The following PTPRN2 variants were observed in gnomAD, a reference collection of about 807,000 sequenced individuals.
PTPRN2 encodes protein tyrosine phosphatase receptor type N2.
In PTPRN2, 74 loss-of-function variants were observed where a neutral mutation model predicts 118.8. The ratio of observed to expected loss-of-function variants is 0.62; its 90% confidence interval spans 0.52 to 0.76. PTPRN2 has a LOEUF of 0.76. Ranked by LOEUF, PTPRN2 falls within the 30% of genes least tolerant of loss-of-function variation. PTPRN2 has a pLI of 0.00. For synonymous variants in PTPRN2, 641 were observed against 608.0 expected (o/e 1.05, Z -0.80); for missense variants, 1,481 against 1,394.4 (o/e 1.06, Z -0.99).
rs1242301533 is a variant in PTPRN2, at chr7:157,591,845, C to A, written c.2496+3393G>T. On this transcript the variant is annotated intron_variant, in intron 17 of 22. Transcript: ENST00000389418. This position sits in a 1 kb window ranked among gnomAD's most constrained non-coding sequence, Gnocchi z 4.4. ...GCTCCTGTGTTCTGCACAGAGGGAT[C>A]CCCAGGTTGAAGGATGACGTGGAAG... Among the ~76,000 whole-genome samples, 1 of 152,170 alleles carries A rather than the reference C, an allele frequency of 6.6e-6. No homozygotes were observed. The highest frequency in any genetic ancestry group is 2.4e-5 in the African/African-American group (1 of 41,438).
At chr7:158,458,664 G>A (rs575252987) in intron 2 of PTPRN2, among the ~76,000 whole-genome samples, 2 of 152,286 alleles carry the variant, frequency 1.3e-5, no homozygotes, top group East Asian at 3.9e-4. Context: ...ACACCTCGGA[G>A]AGCTGAAAGT....
At chr7:157,684,653 G>C (rs1797084104) in intron 12 of PTPRN2, among the ~76,000 whole-genome samples, 1 of 145,118 alleles carries the variant, frequency 6.9e-6, no homozygotes, top group African/African-American at 2.5e-5. Flanking sequence ...AGTCACTCTA[G>C]AGCCGCGCGA....
chr7:157,783,761 T>C (rs981492768), intron 12 of PTPRN2, among the ~76,000 whole-genome samples: 5 of 151,902 alleles, frequency 3.3e-5, no homozygotes, highest in African/African-American at 1.2e-4. Context: ...ACAGGGACTT[T>C]CCCATGTGGA....
intron 14 of PTPRN2, among the ~76,000 whole-genome samples, chr7:157,644,008 C>T (rs977553779): frequency 5.9e-5 from 9 of 152,242 alleles, no homozygotes; most frequent in African/African-American, 1.9e-4. Flanking sequence ...TCATGCGCTA[C>T]AAGCTACCAG....
chr7:158,522,234 GA>G lies in PTPRN2; in HGVS notation c.113-32450del, dbSNP rs1586858885. Among the ~76,000 whole-genome samples the G allele has an allele frequency of 5.4e-5, 4 of 73,636 alleles. 1 individual carries two copies. Among genetic ancestry groups the G allele is most frequent in the Non-Finnish European group, 1.0e-4 (4 of 38,162 alleles). 48.3% of individuals were successfully genotyped at this position (73,636 alleles called of 152,430 possible). A position where few individuals can be genotyped will look rare whatever the true frequency, so the allele number is the denominator to read the frequency against. ...GTGGACTGTCCAGGTAGTGGCTCAG[GA>G]GGGAGGTCCACGTCACAATGGTGGA... On this transcript the variant is annotated intron_variant, in intron 1 of 22. Coordinates refer to ENST00000389418, the MANE Select transcript of PTPRN2 (RefSeq NM_002847.5).
At chr7:158,341,152 C>T (rs1289332968) in intron 2 of PTPRN2, among the ~76,000 whole-genome samples, 1 of 133,568 alleles carries the variant, frequency 7.5e-6, no homozygotes, top group Non-Finnish European at 1.6e-5. Flanking sequence ...ACCATAAGAG[C>T]TGACGCCCGC....
At chr7:157,848,514 G>A (rs1310325905) in intron 12 of PTPRN2, among the ~76,000 whole-genome samples, 1 of 152,238 alleles carries the variant, frequency 6.6e-6, no homozygotes, top group Non-Finnish European at 1.5e-5. Context: ...TGTCATGTGT[G>A]CCCGATATTT....
At chr7:157,555,335 G>A (rs1798827126) in intron 21 of PTPRN2, among the ~76,000 whole-genome samples, 2 of 152,116 alleles carry the variant, frequency 1.3e-5, no homozygotes, top group South Asian at 2.1e-4. Flanking sequence ...AAGAATATTA[G>A]TATTAAAGTA....
At chr7:158,341,844 AC>A (rs1244216490) in intron 2 of PTPRN2, among the ~76,000 whole-genome samples, 4 of 46,762 alleles carry the variant, frequency 8.6e-5, no homozygotes, top group Non-Finnish European at 7.9e-5. Context: ...TCACACCCAC[AC>A]TCTCACCATA....
chr7:158,302,809 T>C (rs1800989787), intron 3 of PTPRN2, among the ~76,000 whole-genome samples: 4 of 152,188 alleles, frequency 2.6e-5, no homozygotes, highest in Admixed American at 6.5e-5. Context: ...CAAAACTATT[T>C]TCATAAAATA....
rs983179692 is a variant in PTPRN2 at position 157,828,486 on chromosome 7, C to T, written c.1788+70187G>A. ...GCCATCCGTGTCATCAGCACCAAGA[C>T]TATATGGTGAAGGAAGAGTCTGGAA... On this transcript the variant is annotated intron_variant, in intron 12 of 22. Coordinates refer to ENST00000389418, the MANE Select transcript of PTPRN2 (RefSeq NM_002847.5). 2.0e-5 allele frequency among the ~76,000 whole-genome samples: 3 copies of T among 152,268 alleles called. No homozygotes were observed. The South Asian group carries it at 6.2e-4, about 32-fold the overall frequency.
chr7:158,363,897 C>G (rs571342861), intron 2 of PTPRN2, among the ~76,000 whole-genome samples: 3 of 152,236 alleles, frequency 2.0e-5, no homozygotes, highest in African/African-American at 7.2e-5. Context: ...TAGAATATGA[C>G]AGAAAAGGGG....
chr7:158,178,237 G>A (rs1215038379), intron 5 of PTPRN2, among the ~76,000 whole-genome samples: 1 of 152,078 alleles, frequency 6.6e-6, no homozygotes, highest in African/African-American at 2.4e-5. Flanking sequence ...GGTACGCATG[G>A]TTTGGGTCAC....
At chr7:158,414,214 A>G (rs1470523209) in intron 2 of PTPRN2, among the ~76,000 whole-genome samples, 1 of 152,102 alleles carries the variant, frequency 6.6e-6, no homozygotes, top group Non-Finnish European at 1.5e-5. Context: ...CGAACGGCCC[A>G]TAGCAGAGCT....
chr7:157,989,692 G>A (rs971253807), intron 11 of PTPRN2, among the ~76,000 whole-genome samples: 1 of 152,018 alleles, frequency 6.6e-6, no homozygotes, highest in Non-Finnish European at 1.5e-5. Flanking sequence ...GCGGGGGCGG[G>A]TGCCACCTCA....
chr7:158,002,050 G>C (rs1221681495), intron 11 of PTPRN2, among the ~76,000 whole-genome samples: 1 of 152,214 alleles, frequency 6.6e-6, no homozygotes, highest in African/African-American at 2.4e-5. Context: ...TTCCCTTGGA[G>C]TCACCTCGGG....
intron 21 of PTPRN2, among the ~76,000 whole-genome samples, chr7:157,564,796 G>A (rs924939730): frequency 6.6e-6 from 1 of 152,226 alleles, no homozygotes; most frequent in Non-Finnish European, 1.5e-5. Flanking sequence ...AATTACGGTC[G>A]ATGTGGCGAT....
chr7:157,730,163 G>A (rs1218961347), intron 12 of PTPRN2, among the ~76,000 whole-genome samples: 2 of 150,624 alleles, frequency 1.3e-5, no homozygotes, highest in African/African-American at 4.9e-5. Flanking sequence ...GATGGCACCT[G>A]AGTCCCACTC....
rs1802270514 is a variant in PTPRN2 at position 157,610,567 on chromosome 7, G to A, written c.2345-6492C>T. Among the ~76,000 whole-genome samples the A allele has an allele frequency of 6.6e-6, 1 of 152,164 alleles. No homozygotes were observed. Among genetic ancestry groups the A allele is most frequent in the African/African-American group, 2.4e-5 (1 of 41,420 alleles). The stretch of plus-strand genomic sequence containing the variant: ...TGAGGGCTGCAAAGGCACATCCCGG[G>A]GCTGCTGGCCGTCAGCAAGGGCCGT... On this transcript the variant is annotated intron_variant, in intron 15 of 22. Transcript: ENST00000389418. This position sits in a 1 kb window ranked among gnomAD's most constrained non-coding sequence, Gnocchi z 5.1.
Sources: allele counts gnomAD v4.1 joint callset (sites outside exome capture counted in the v4.1 genomes callset), GRCh38; gene constraint gnomAD v4.1.1; non-coding constraint Gnocchi (gnomAD v3.1); transcripts MANE v1.5; gene names NCBI Gene and HGNC (gene_info 2026-07-23, HGNC 2026-07-21).